SH3D19: variants seen among roughly 807,000 people sequenced by gnomAD.
The protein encoded by SH3D19 is SH3 domain-containing protein 19.
Under a neutral mutation model 112.1 loss-of-function variants are expected in SH3D19, and 58 were observed. The ratio of observed to expected loss-of-function variants is 0.52; its 90% CI spans 0.42 to 0.64. The LOEUF (loss-of-function observed/expected upper bound fraction) is 0.64. SH3D19 is among the 30% of genes least tolerant of loss of function. SH3D19 has a pLI of 0.00. For missense variants in SH3D19, 1,090 were observed against 1,263.4 expected (o/e 0.86, Z 2.08); for synonymous variants, 391 against 448.5 (o/e 0.87, Z 1.62).
rs183105936 is a variant in SH3D19 at position 151,322,977 on chromosome 4, C to G, written c.112+2264G>C. Among the ~76,000 whole-genome samples, 165 of 152,076 alleles carry G rather than the reference C, an allele frequency of 1.1e-3. 1 individual carries two copies. Among genetic ancestry groups the G allele is most frequent in the African/African-American group, 3.8e-3 (158 of 41,508 alleles). On this transcript the variant is annotated intron_variant, in intron 1 of 19. Coordinates refer to ENST00000604030, the MANE Select transcript of SH3D19 (RefSeq NM_001378122.1). ...ACAAAGGTTAAAAAAATGGTTACAT[C>G]TAGGGGAGAGAGGAGGCTAAGTCTA...
intron 1 of SH3D19, chr4:151,227,932 C>T: frequency 1.0e-6 from 1 of 985,406 alleles, no homozygotes; most frequent in Non-Finnish European, 1.2e-6. Flanking sequence ...AAACAAGACT[C>T]AGTATCCAAG....
intron 2 of SH3D19, among the ~76,000 whole-genome samples, chr4:151,199,510 G>C (rs927992117): frequency 6.6e-6 from 1 of 152,174 alleles, no homozygotes; most frequent in African/African-American, 2.4e-5. Flanking sequence ...TAGTCTCAAA[G>C]TAAGGACTCT....
intron 2 of SH3D19, among the ~76,000 whole-genome samples, chr4:151,195,896 G>A (rs1763384118): frequency 6.9e-6 from 1 of 144,184 alleles, no homozygotes; most frequent in Admixed American, 7.0e-5. Context: ...ACTTAACAAT[G>A]ACTTTAAAAG....
chr4:151,153,367 C>T (rs1211579488), intron 9 of SH3D19, among the ~76,000 whole-genome samples: 1 of 152,038 alleles, frequency 6.6e-6, no homozygotes, highest in African/African-American at 2.4e-5. Flanking sequence ...CTGCGTCAGC[C>T]TCCCAAGTAG....
At chr4:151,188,217 A>G (rs1762087809) in intron 2 of SH3D19, among the ~76,000 whole-genome samples, 1 of 152,200 alleles carries the variant, frequency 6.6e-6, no homozygotes, top group Admixed American at 6.5e-5. Context: ...AGACAATACT[A>G]TTGTGTTATA....
intron 9 of SH3D19, among the ~76,000 whole-genome samples, chr4:151,153,951 A>C (rs1579824718): frequency 5.0e-5 from 1 of 20,040 alleles, no homozygotes; most frequent in South Asian, 5.7e-4. Context: ...AAACATAATA[A>C]TACTATTTCT....
rs1759637798 is a variant in SH3D19, at chr4:151,174,684, G to T, written c.1520C>A (p.Ser507Ter). 1 of 1,513,442 alleles carries T rather than the reference G, an allele frequency of 6.6e-7. No individual in the cohort carries two copies. Among genetic ancestry groups the T allele is most frequent in the African/African-American group, 1.4e-5 (1 of 71,594 alleles). 93.8% of individuals were successfully genotyped at this position (1,513,442 alleles called of 1,614,324 possible). A position where few individuals can be genotyped will look rare whatever the true frequency, so the allele number is the denominator to read the frequency against. Residue 507 changes from serine to a stop codon, truncating the protein, a stop_gained, in exon 7 of 20, where the codon TCA (serine) becomes TAA (stop). Coordinates refer to ENST00000604030, the MANE Select transcript of SH3D19 (RefSeq NM_001378122.1). LOFTEE classifies it high-confidence loss of function. ...TTTTCACTCACCTAGAACCATCTCTGAACCAACAGATTCTTCAGCCAGGTT... is the reference window on the plus strand; with the variant it reads ...TTTTCACTCACCTAGAACCATCTCTTAACCAACAGATTCTTCAGCCAGGTT... ...SGNLAEESVG[S>*]EMVLDPFQLP... is the part of the protein sequence containing the mutation.
chr4:151,171,029 C>T (rs1758945565), intron 7 of SH3D19, among the ~76,000 whole-genome samples: 1 of 152,152 alleles, frequency 6.6e-6, no homozygotes, highest in Non-Finnish European at 1.5e-5. Flanking sequence ...AGGTCTCCCT[C>T]CCTTTTAATT....
chr4:151,296,046 A>C (rs1441603935), intron 1 of SH3D19, among the ~76,000 whole-genome samples: 1 of 150,432 alleles, frequency 6.6e-6, no homozygotes, highest in African/African-American at 2.5e-5. Context: ...AAAAAAAAAA[A>C]AGAAAGAAAG....
intron 1 of SH3D19, among the ~76,000 whole-genome samples, chr4:151,295,505 G>A (rs1775640032): frequency 6.6e-6 from 1 of 152,182 alleles, no homozygotes; most frequent in South Asian, 2.1e-4. Context: ...TACAGCCCAA[G>A]TTTCTTACCT....
chr4:151,175,966 G>A (rs1001940023), intron 6 of SH3D19, among the ~76,000 whole-genome samples: 6 of 151,856 alleles, frequency 4.0e-5, no homozygotes, highest in Non-Finnish European at 8.8e-5. Flanking sequence ...ACCCTCCAGT[G>A]CTCAAGCGAT....
intron 17 of SH3D19, among the ~76,000 whole-genome samples, chr4:151,130,028 C>A (rs1199465945): frequency 6.6e-6 from 1 of 152,196 alleles, no homozygotes; most frequent in Non-Finnish European, 1.5e-5. Flanking sequence ...CAGTTTCCTT[C>A]CTGTTTCACT....
intron 14 of SH3D19, among the ~76,000 whole-genome samples, chr4:151,136,135 CACTTT>C (rs1479331671): frequency 2.6e-5 from 4 of 152,052 alleles, no homozygotes; most frequent in Admixed American, 6.6e-5. Flanking sequence ...TAAGTGGCAA[CACTTT>C]GTTTTATTTT....
At chr4:151,191,640 A>AATCTGTTCT (rs1231131041) in intron 2 of SH3D19, among the ~76,000 whole-genome samples, 2 of 152,010 alleles carry the variant, frequency 1.3e-5, no homozygotes, top group African/African-American at 4.8e-5. Context: ...AAGAGTACAG[A>AATCTGTTCT]ATCTGTTCTT....
At chr4:151,260,845 C>T (rs922195864) in intron 1 of SH3D19, among the ~76,000 whole-genome samples, 8 of 152,170 alleles carry the variant, frequency 5.3e-5, no homozygotes, top group Non-Finnish European at 2.9e-5. Flanking sequence ...ATGCTTTTAT[C>T]GATCTTAAGG....
At position 151,128,233 on chromosome 4, in the gene SH3D19, AC is replaced by A; in HGVS notation, c.2865del (p.Trp955CysfsTer18). 1 of 1,614,152 alleles carries A rather than the reference AC, an allele frequency of 6.2e-7. No individual in the cohort carries two copies. The highest frequency in any genetic ancestry group is 8.5e-7 in the Non-Finnish European group (1 of 1,180,008). On this transcript the variant is annotated frameshift_variant, in exon 18 of 20. Transcript: ENST00000604030. LOFTEE classifies it high-confidence loss of function. The stretch of plus-strand genomic sequence containing the variant: ...TCCCTGTCCTGCAGTCTGCCCCTGC[AC>A]CAGTCAGAATCCAGACGTTCCAGAA... The part of the protein sequence containing the change: ...IQILERLDSD[W>X]CRGRLQDREG...
At chr4:151,170,604 A>G in intron 7 of SH3D19, 1 of 152,274 alleles carries the variant, frequency 6.6e-6, no homozygotes, top group Middle Eastern at 3.4e-3. Flanking sequence ...ATAAATCACT[A>G]TTTTATTATT....
intron 12 of SH3D19, chr4:151,140,558 C>T (rs1195862998): frequency 2.0e-5 from 3 of 152,296 alleles, no homozygotes; most frequent in African/African-American, 4.8e-5. Context: ...AGCTGAAGAG[C>T]GACCTCTTCT....
At chr4:151,193,251 TA>T (rs1210720159) in intron 2 of SH3D19, among the ~76,000 whole-genome samples, 1 of 151,906 alleles carries the variant, frequency 6.6e-6, no homozygotes, top group Admixed American at 6.6e-5. Context: ...GTGTCTGGTC[TA>T]ATGTTTAAAA....
Sources: allele counts gnomAD v4.1 joint callset (sites outside exome capture counted in the v4.1 genomes callset), GRCh38; gene constraint gnomAD v4.1.1; transcripts MANE v1.5; gene names NCBI Gene and HGNC (gene_info 2026-07-23, HGNC 2026-07-21).